AGPS: variants seen among roughly 807,000 people sequenced by gnomAD.
AGPS encodes alkyldihydroxyacetonephosphate synthase, peroxisomal.
In AGPS, 26 loss-of-function variants were observed where a neutral mutation model predicts 90.7. The observed-to-expected ratio is 0.29, with a 90% confidence interval of 0.21 to 0.40. The LOEUF (loss-of-function observed/expected upper bound fraction) is 0.40. AGPS is among the 10% of genes least tolerant of loss of function. The pLI is 1.00. For synonymous variants in AGPS, 294 were observed against 285.3 expected, an observed-to-expected ratio of 1.03 and a Z score of -0.31; for missense variants, 540 against 816.1, an observed-to-expected ratio of 0.66 and a Z score of 4.12.
chr2:177,511,602 C>T (rs1300075560), intron 16 of AGPS, among the ~76,000 whole-genome samples: 3 of 151,898 alleles, frequency 2.0e-5, no homozygotes, highest in African/African-American at 7.3e-5. Context: ...TAGAGGTAAT[C>T]CAATGATGTA....
intron 10 of AGPS, among the ~76,000 whole-genome samples, chr2:177,472,344 C>T (rs1036823884): frequency 4.6e-5 from 7 of 151,534 alleles, no homozygotes; most frequent in African/African-American, 1.7e-4. Context: ...TATAACATAG[C>T]CTTTACTTTT....
chr2:177,526,711 G>A (rs986702818), intron 19 of AGPS, among the ~76,000 whole-genome samples: 3 of 152,120 alleles, frequency 2.0e-5, no homozygotes, highest in Non-Finnish European at 4.4e-5. Flanking sequence ...GCTACTTTAA[G>A]GTAAGAGTCT....
chr2:177,424,559 CAG>C (rs1201412198), intron 2 of AGPS, among the ~76,000 whole-genome samples: 1 of 151,916 alleles, frequency 6.6e-6, no homozygotes, highest in Non-Finnish European at 1.5e-5. Flanking sequence ...AATCTTGAAA[CAG>C]AAAGCAATAT....
intron 10 of AGPS, among the ~76,000 whole-genome samples, chr2:177,478,293 CTT>C (rs527285693): frequency 5.1e-4 from 78 of 152,288 alleles, no homozygotes; most frequent in African/African-American, 1.8e-3. Context: ...TTGCCTTTGA[CTT>C]TTAGCATTCC....
rs745804874 is a variant in AGPS, at chr2:177,497,726, A to G, written c.1323A>G (p.Thr441=). The change falls in exon 13 of 20, where the codon ACA becomes ACG. Residue 441 remains threonine (T), a synonymous_variant. Transcript: ENST00000264167. ...ALKPQVSSIF[T]SFLDGLKKFY... is the part of the protein sequence containing the mutation. ...AACCTCAGGTTTCCTCTATTTTTAC[A>G]TCATTTTTGGACGGATTAAAAAAGT... The G allele has an allele frequency of 4.4e-6, 7 of 1,586,380 alleles. No homozygotes were observed. The South Asian group carries it at 5.6e-5, about 13-fold the overall frequency.
intron 7 of AGPS, among the ~76,000 whole-genome samples, chr2:177,442,844 AAAAAG>A (rs1235558195): frequency 6.6e-6 from 1 of 151,902 alleles, no homozygotes; most frequent in African/African-American, 2.4e-5. Flanking sequence ...AAAAAAAAAA[AAAAAG>A]AATCTAATAT....
At position 177,523,817 on chromosome 2, in the gene AGPS, T is replaced by G. The variant is rs549532414; in HGVS notation, c.1855+12T>G. 5.6e-6 allele frequency: 9 copies of G among 1,607,716 alleles called. No homozygotes were observed. The African/African-American group carries it at 1.2e-4, about 21-fold the overall frequency. The stretch of plus-strand genomic sequence containing the variant: ...ACATCACCATGGAGGTATTCTTTTT[T>G]GGGAGTAGAATTTCTAATATTCTTA... On this transcript the variant is annotated intron_variant, in intron 19 of 19. Transcript: ENST00000264167.
intron 14 of AGPS, among the ~76,000 whole-genome samples, chr2:177,504,637 T>G (rs1348934918): frequency 1.3e-5 from 2 of 152,084 alleles, no homozygotes; most frequent in Admixed American, 1.3e-4. Flanking sequence ...ATTGTAGTGT[T>G]TACTTACTAC....
chr2:177,513,533 A>G (rs951793749), intron 16 of AGPS, among the ~76,000 whole-genome samples: 1 of 152,190 alleles, frequency 6.6e-6, no homozygotes, highest in Non-Finnish European at 1.5e-5. Context: ...TTTTGAAATC[A>G]GGCTTTCCTA....
chr2:177,396,272 G>A (rs565439319), intron 1 of AGPS, among the ~76,000 whole-genome samples: 1 of 152,178 alleles, frequency 6.6e-6, no homozygotes, highest in East Asian at 1.9e-4. Flanking sequence ...TGAAAGGAGG[G>A]CAGTGGCAGG....
chr2:177,532,543 A>G (rs1334765236), intron 19 of AGPS, among the ~76,000 whole-genome samples: 1 of 152,200 alleles, frequency 6.6e-6, no homozygotes, highest in Non-Finnish European at 1.5e-5. Flanking sequence ...CATTCTGGAA[A>G]ACAGTTTGGC....
chr2:177,441,129 A>C, intron 6 of AGPS, 93 bp downstream of exon 6: 4 of 1,080,256 alleles, frequency 3.7e-6, no homozygotes, highest in Non-Finnish European at 5.5e-6. Context: ...CTGAAAACAA[A>C]CATTATTGTA....
rs559943860 is a variant in AGPS at position 177,405,187 on chromosome 2, C to T, written c.260+12138C>T. Among the ~76,000 whole-genome samples, 40 of 152,276 alleles carry T rather than the reference C, an allele frequency of 2.6e-4. No homozygotes were observed. In the South Asian group the frequency reaches 4.1e-3, roughly 16 times the overall value. On this transcript the variant is annotated intron_variant, in intron 1 of 19. Coordinates refer to ENST00000264167, the MANE Select transcript of AGPS (RefSeq NM_003659.4). The stretch of plus-strand genomic sequence containing the variant: ...GTCCAAATGGTAAAATATGGCTGCC[C>T]CACTCCTTCAGGAATTCAGCCAATA...
At chr2:177,495,084 T>C (rs1239291424) in intron 12 of AGPS, among the ~76,000 whole-genome samples, 2 of 152,206 alleles carry the variant, frequency 1.3e-5, no homozygotes. Context: ...ATATTGACAT[T>C]ATCTAATTTT....
chr2:177,465,123 A>G (rs1687408598), intron 9 of AGPS, among the ~76,000 whole-genome samples: 2 of 152,092 alleles, frequency 1.3e-5, no homozygotes, highest in African/African-American at 2.4e-5. Context: ...GCAAGATGTC[A>G]TCTCTACAAA....
chr2:177,512,781 A>C (rs1437705689), intron 16 of AGPS, among the ~76,000 whole-genome samples: 3 of 152,242 alleles, frequency 2.0e-5, no homozygotes, highest in African/African-American at 7.2e-5. Flanking sequence ...TGTCTTCAGT[A>C]GATCTTTGTC....
chr2:177,416,722 G>T (rs981196887), intron 1 of AGPS, among the ~76,000 whole-genome samples: 2 of 151,840 alleles, frequency 1.3e-5, no homozygotes, highest in African/African-American at 4.8e-5. Flanking sequence ...GTAGAGATGG[G>T]GTTTCACTAT....
At chr2:177,449,552 T>A (rs1686873794) in intron 8 of AGPS, among the ~76,000 whole-genome samples, 1 of 152,026 alleles carries the variant, frequency 6.6e-6, no homozygotes, top group African/African-American at 2.4e-5. Flanking sequence ...GCTTCCTGAG[T>A]AACTGAGACC....
chr2:177,497,843 T>C, intron 13 of AGPS, 78 bp downstream of exon 13: 2 of 719,556 alleles, frequency 2.8e-6, no homozygotes, highest in Admixed American at 2.7e-5. Flanking sequence ...ATGCACCTAT[T>C]GTAAGGGTGT....
Sources: gnomAD v4.1 joint callset for allele counts (sites outside exome capture counted in the v4.1 genomes callset) on GRCh38, gnomAD v4.1.1 for gene constraint, MANE v1.5 for transcripts, NCBI Gene and HGNC (gene_info 2026-07-23, HGNC 2026-07-21) for gene names.